The following HOOK2 variants were observed in gnomAD, a reference collection of about 807,000 sequenced individuals.
HOOK2 encodes protein Hook homolog 2.
A neutral mutation model predicts 111.9 loss-of-function variants in HOOK2; 108 were observed. The observed-to-expected ratio is 0.96, with a 90% confidence interval of 0.83 to 1.13. The LOEUF (loss-of-function observed/expected upper bound fraction) is 1.13, where lower values mean the gene tolerates loss of function less well. Ranked by LOEUF, HOOK2 falls within the 50% of genes most tolerant of loss-of-function variation. HOOK2 has a pLI of 0.00. For synonymous variants in HOOK2, 405 were observed against 394.3 expected (o/e 1.03, Z -0.32); for missense variants, 978 against 951.3 (o/e 1.03, Z -0.37).
chr19:12,788,875 A>AT (rs1256892842), intron 3 of HOOK2, among the ~76,000 whole-genome samples: 1 of 152,106 alleles, frequency 6.6e-6, no homozygotes, highest in Non-Finnish European at 1.5e-5. Context: ...GAGGGGAGCC[A>AT]TTCAAGCAAG....
chr19:12,778,429 A>C (rs553670017), upstream of HOOK2: 12 of 151,994 alleles, frequency 7.9e-5, no homozygotes, highest in Non-Finnish European at 1.6e-4. Context: ...GCGGGTGGAG[A>C]GGATAGTGGG....
chr19:12,774,834 C>A lies in HOOK2; in HGVS notation c.109G>T (p.Val37Leu), dbSNP rs370981132. 6.2e-7 allele frequency: 1 copy of A among 1,614,140 alleles called. No individual in the cohort carries two copies. Among genetic ancestry groups the A allele is most frequent in the Non-Finnish European group, 8.5e-7 (1 of 1,179,990 alleles). ...CACATCTGGTTCAGCACATAGGCTA[C>A]GGCAAGGCCGCTGCTCAGGTCCTGA... ...SPQDLSSGLA[V>L]AYVLNQIDPS... Residue 37 changes from valine to leucine, a missense_variant, in exon 2 of 23, where the codon GTA (valine) becomes TTA (leucine). This residue lies in a region of HOOK2 where 301 missense variants were observed against 286.1 expected (regional missense o/e 1.05). Transcript: ENST00000397668.
upstream of HOOK2, among the ~76,000 whole-genome samples, chr19:12,781,447 C>T (rs1968600762): frequency 6.6e-6 from 1 of 150,928 alleles, no homozygotes; most frequent in Non-Finnish European, 1.5e-5. Flanking sequence ...CTGCCTCAGC[C>T]TCCCCAGTAG....
At chr19:12,784,028 A>C (rs1396238968) in intron 3 of HOOK2, among the ~76,000 whole-genome samples, 3 of 136,206 alleles carry the variant, frequency 2.2e-5, no homozygotes, top group African/African-American at 2.7e-5. Context: ...CTGCAGCCCC[A>C]CCCCCGCCGC....
In HOOK2 at chr19:12,790,522, G is replaced by T. The variant is rs899785410; in HGVS notation, n.42-16297C>A. Reference sequence around the variant, plus strand: ...TACAGATGACTAAGAGGTTACCATCGAGGGGGAGCAGCAGTCGTGGAAGAT... The same window carrying T: ...TACAGATGACTAAGAGGTTACCATCTAGGGGGAGCAGCAGTCGTGGAAGAT... On this transcript the variant is annotated intron_variant and non_coding_transcript_variant, in intron 3 of 3. Transcript: ENST00000589765. The surrounding 1 kb of genome is among the most constrained non-coding windows in gnomAD (Gnocchi z 7.2). 1.3e-5 allele frequency among the ~76,000 whole-genome samples: 2 copies of T among 152,184 alleles called. No homozygotes were observed. Among genetic ancestry groups the T allele is most frequent in the Non-Finnish European group, 2.9e-5 (2 of 68,020 alleles).
chr19:12,779,494 G>A (rs1362241326), upstream of HOOK2, among the ~76,000 whole-genome samples: 1 of 152,186 alleles, frequency 6.6e-6, no homozygotes, highest in Non-Finnish European at 1.5e-5. Flanking sequence ...GTGTCTGTGT[G>A]TGTCTGAGTC....
rs773751325 is a variant in HOOK2, at chr19:12,769,935, A to G, written c.1050T>C (p.Asp350=). The part of the protein sequence containing the change: ...GHAERTRQLE[D]ELRRAGSLRA... ...GCAGGGAGCCCGCTCGGCGTAGCTC[A>G]TCCTCCAGTTGTCGCGTGCGCTCGG... Residue 350 remains aspartate, a synonymous_variant, in exon 11 of 23, where the codon GAT becomes GAC. Transcript: ENST00000397668. 1.0e-5 allele frequency: 16 copies of G among 1,557,098 alleles called. No homozygotes were observed. Among genetic ancestry groups the G allele is most frequent in the Non-Finnish European group, 1.4e-5 (16 of 1,159,256 alleles).
chr19:12,763,829 G>A, intron 20 of HOOK2, 51 bp from the exon 21 acceptor site: 1 of 1,211,476 alleles, frequency 8.3e-7, no homozygotes, highest in South Asian at 1.2e-5. Flanking sequence ...GAAACCCCCT[G>A]GGACATACTG....
In HOOK2 at chr19:12,765,828, C is replaced by G; in HGVS notation, c.1605+1G>C. Reference sequence around the variant, plus strand: ...TGCCATCCTGGGCCCATGGTACTTACAATGGCCTGTATGGGGCATCGGGCA... The same window carrying G: ...TGCCATCCTGGGCCCATGGTACTTAGAATGGCCTGTATGGGGCATCGGGCA... On this transcript the variant is annotated splice_donor_variant, in intron 17 of 22. Coordinates refer to ENST00000397668, the MANE Select transcript of HOOK2 (RefSeq NM_013312.3). LOFTEE classifies it high-confidence loss of function. The G allele has an allele frequency of 6.2e-7, 1 of 1,612,634 alleles. No homozygotes were observed. Among genetic ancestry groups the G allele is most frequent in the Admixed American group, 1.7e-5 (1 of 59,990 alleles).
chr19:12,785,467 C>T (rs939802198), intron 3 of HOOK2, among the ~76,000 whole-genome samples: 1 of 152,054 alleles, frequency 6.6e-6, no homozygotes, highest in African/African-American at 2.4e-5. Flanking sequence ...AGACCAGCCA[C>T]AGACCACACA....
At position 12,767,813 on chromosome 19, in the gene HOOK2, C is replaced by T. The variant is rs1333681566; in HGVS notation, c.1303+3G>A. The T allele has an allele frequency of 1.2e-6, 2 of 1,600,880 alleles. No homozygotes were observed. Among genetic ancestry groups the T allele is most frequent in the African/African-American group, 2.7e-5 (2 of 74,876 alleles). ...AAGACCCCGGGATGGGGCTTCATCT[C>T]ACCGGCCTGGGTCAACCCCCGCGGC... On this transcript the variant is annotated splice_donor_region_variant and intron_variant, in intron 13 of 22. Coordinates refer to ENST00000397668, the MANE Select transcript of HOOK2 (RefSeq NM_013312.3).
rs1490224389 is a variant in HOOK2 at position 12,773,029 on chromosome 19, T to C, written c.220A>G (p.Met74Val). ...NWKLKVSNLK[M>V]VLRSLVEYSQ... is the part of the protein sequence containing the mutation. ...TACTCTACTAGGCTCCGTAAGACCATCTTCAGATTGCTGACCTAGGGAGGA... is the reference window on the plus strand; with the variant it reads ...TACTCTACTAGGCTCCGTAAGACCACCTTCAGATTGCTGACCTAGGGAGGA... Residue 74 changes from methionine to valine, a missense_variant, in exon 4 of 23, where the codon ATG (methionine) becomes GTG (valine). Transcript: ENST00000397668. 2 of 1,614,072 alleles carry C rather than the reference T, an allele frequency of 1.2e-6. No homozygotes were observed. Among genetic ancestry groups the C allele is most frequent in the Non-Finnish European group, 1.7e-6 (2 of 1,180,000 alleles).
At chr19:12,778,143 A>C (rs1428196143), upstream of HOOK2, among the ~76,000 whole-genome samples, 2 of 119,472 alleles carry the variant, frequency 1.7e-5, no homozygotes, top group African/African-American at 6.3e-5. Flanking sequence ...ACCCAGAGGG[A>C]GGGGCGGGCT....
rs904009784 is a variant in HOOK2, at chr19:12,790,446, G to A, written n.42-16221C>T. On this transcript the variant is annotated intron_variant and non_coding_transcript_variant, in intron 3 of 3. Transcript: ENST00000589765. This position sits in a 1 kb window ranked among gnomAD's most constrained non-coding sequence, Gnocchi z 7.2. ...AGGCTCTAGGAGCCGACACGGTGTTGGGCAAAGCCCAGGGTCAATAGGGGA... is the reference window on the plus strand; with the variant it reads ...AGGCTCTAGGAGCCGACACGGTGTTAGGCAAAGCCCAGGGTCAATAGGGGA... Among the ~76,000 whole-genome samples the A allele has an allele frequency of 6.6e-6, 1 of 152,246 alleles. No individual in the cohort carries two copies. Among genetic ancestry groups the A allele is most frequent in the Non-Finnish European group, 1.5e-5 (1 of 68,038 alleles).
In HOOK2 at chr19:12,791,692, A is replaced by G; in HGVS notation, n.42-17467T>C. 9.2e-7 allele frequency: 1 copy of G among 1,088,770 alleles called. No individual in the cohort carries two copies. Among genetic ancestry groups the G allele is most frequent in the Non-Finnish European group, 1.3e-6 (1 of 776,714 alleles). The allele number at this position is 1,088,770 out of a possible 1,614,324, so 67.4% of individuals were successfully genotyped here. A position where few individuals can be genotyped will look rare whatever the true frequency, so the allele number is the denominator to read the frequency against. On this transcript the variant is annotated intron_variant and non_coding_transcript_variant, in intron 3 of 3. Transcript: ENST00000589765. This position sits in a 1 kb window ranked among gnomAD's most constrained non-coding sequence, Gnocchi z 7.0. ...ACCAGGCACCCAGTCCGGTCACCGC[A>G]GCGGAGAGCTCGCCGCTCGCTGCAG... is the stretch of plus-strand genomic sequence containing the variant.
At chr19:12,771,118 G>A (rs777902420) in intron 9 of HOOK2, 41 bp downstream of exon 9, 31 of 1,610,936 alleles carry the variant, frequency 1.9e-5, no homozygotes, top group Middle Eastern at 1.6e-4. Context: ...GCCCTCCCCC[G>A]GTCCCCTGGC....
At chr19:12,774,396 G>C in intron 3 of HOOK2, 1 of 535,502 alleles carries the variant, frequency 1.9e-6, no homozygotes, top group Non-Finnish European at 3.4e-6. Context: ...ATGAGCCACT[G>C]CGCCCAGCCT....
upstream of HOOK2, chr19:12,775,576 C>G (rs572619629): frequency 3.0e-4 from 287 of 949,674 alleles, no homozygotes; most frequent in Middle Eastern, 1.5e-3. Context: ...GCCCCGCCCC[C>G]CTAGGCGCAG....
Position 12,791,738 on chromosome 19 carries a change from C to T in HOOK2, n.42-17513G>A. The T allele has an allele frequency of 6.6e-7, 1 of 1,522,802 alleles. No individual in the cohort carries two copies. Among genetic ancestry groups the T allele is most frequent in the African/African-American group, 1.4e-5 (1 of 72,436 alleles). The allele number at this position is 1,522,802 out of a possible 1,614,324, so 94.3% of individuals were successfully genotyped here. A position where few individuals can be genotyped will look rare whatever the true frequency, so the allele number is the denominator to read the frequency against. ...TGCAGCGAGGCCCGGAGCGGCCCCG[C>T]AGGGACCCTCCCCAGACCGCCTGGG... On this transcript the variant is annotated intron_variant and non_coding_transcript_variant, in intron 3 of 3. Transcript: ENST00000589765. The surrounding 1 kb of genome is among the most constrained non-coding windows in gnomAD (Gnocchi z 7.0).
Sources: gnomAD v4.1 joint callset for allele counts (sites outside exome capture counted in the v4.1 genomes callset) on GRCh38, gnomAD v4.1.1 for gene constraint, gnomAD v4.1.1 regional missense constraint, Gnocchi (gnomAD v3.1) non-coding constraint, MANE v1.5 for transcripts, NCBI Gene and HGNC (gene_info 2026-07-23, HGNC 2026-07-21) for gene names.